Variants in TTBK2 observed in about 807,000 individuals in gnomAD.
TTBK2 encodes the protein tau tubulin kinase 2.
TTBK2 carries 28 observed loss-of-function variants against 110.8 expected under a neutral mutation model. The observed-to-expected ratio is 0.25, with a 90% CI of 0.19 to 0.35. TTBK2 has a LOEUF of 0.35. TTBK2 is among the 10% of genes least tolerant of loss of function. The pLI is 1.00. For synonymous variants in TTBK2, 532 were observed against 527.3 expected, an observed-to-expected ratio of 1.01 and a Z score of -0.12; for missense variants, 1,369 against 1,500.3, an observed-to-expected ratio of 0.91 and a Z score of 1.45.
chr15:42,745,440 T>C lies in TTBK2; in HGVS notation c.*355A>G, dbSNP rs1233010418. Reference sequence around the variant, plus strand: ...TCACTTTTGCTATATAATCTTTGAATTGAGGCTTAAAAAAATTAGGCAACC... The same window carrying C: ...TCACTTTTGCTATATAATCTTTGAACTGAGGCTTAAAAAAATTAGGCAACC... On this transcript the variant is annotated 3_prime_UTR_variant, in exon 15 of 15. Transcript: ENST00000267890. The C allele has an allele frequency of 1.0e-5, 3 of 289,980 alleles. No individual in the cohort carries two copies. Among genetic ancestry groups the C allele is most frequent in the African/African-American group, 6.6e-5 (3 of 45,774 alleles). 18.0% of individuals were successfully genotyped at this position (289,980 alleles called of 1,614,324 possible). A position where few individuals can be genotyped will look rare whatever the true frequency, so the allele number is the denominator to read the frequency against.
chr15:42,791,967 C>A (rs1339171601), intron 10 of TTBK2, among the ~76,000 whole-genome samples: 2 of 152,118 alleles, frequency 1.3e-5, no homozygotes, highest in African/African-American at 4.8e-5. Context: ...CATGGTGAAA[C>A]CCCCTCTCTA....
chr15:42,773,722 AAT>A (rs908945304), intron 13 of TTBK2, among the ~76,000 whole-genome samples: 1 of 152,214 alleles, frequency 6.6e-6, no homozygotes, highest in African/African-American at 2.4e-5. Context: ...TACACAGCAT[AAT>A]AGAGTTAAAG....
At position 42,815,894 on chromosome 15, in the gene TTBK2, AT is replaced by A. The variant is rs1567040225; in HGVS notation, c.603+1137del. On this transcript the variant is annotated intron_variant, in intron 7 of 14. Transcript: ENST00000267890. ...TATTTAAATATATATATATTTAAAA[AT>A]ATATATATATATTTAAAAATATATA... Among the ~76,000 whole-genome samples, 34 of 72,190 alleles carry A rather than the reference AT, an allele frequency of 4.7e-4. 1 individual carries two copies. Among genetic ancestry groups the A allele is most frequent in the African/African-American group, 3.3e-3 (34 of 10,328 alleles). The allele number at this position is 72,190 out of a possible 152,430, so 47.4% of individuals were successfully genotyped here.
In TTBK2 at chr15:42,775,565, G is replaced by C; in HGVS notation, c.1568C>G (p.Thr523Ser). The change falls in exon 13 of 15, where the codon ACC becomes AGC. Residue 523 changes from threonine (T) to serine (S), a missense_variant. Transcript: ENST00000267890. ...GCCACCACCATCTGCCTGCTCAGGG[G>C]TGTTGGCAGAAGCAGGCTTGGAGGC... ...PDASKPASAN[T>S]PEQADGGGSN... The C allele has an allele frequency of 6.2e-7, 1 of 1,614,170 alleles. No homozygotes were observed. Among genetic ancestry groups the C allele is most frequent in the African/African-American group, 1.3e-5 (1 of 75,026 alleles).
chr15:42,816,739 G>A (rs1348721234), intron 7 of TTBK2, among the ~76,000 whole-genome samples: 2 of 151,874 alleles, frequency 1.3e-5, no homozygotes, highest in African/African-American at 2.4e-5. Context: ...CCAACATGGT[G>A]AAACACTTTC....
intron 3 of TTBK2, among the ~76,000 whole-genome samples, chr15:42,848,553 C>T (rs986738995): frequency 4.0e-5 from 6 of 151,054 alleles, no homozygotes; most frequent in Non-Finnish European, 7.4e-5. Flanking sequence ...TACAATGGTG[C>T]GATCTCAGCT....
intron 2 of TTBK2, among the ~76,000 whole-genome samples, chr15:42,873,229 C>T (rs920230893): frequency 1.1e-4 from 16 of 152,098 alleles, no homozygotes; most frequent in African/African-American, 3.4e-4. Flanking sequence ...GTCAGGAGTT[C>T]GAGACCAGCC....
At chr15:42,784,969 CTT>C (rs1192041643) in intron 10 of TTBK2, among the ~76,000 whole-genome samples, 5 of 152,150 alleles carry the variant, frequency 3.3e-5, no homozygotes, top group African/African-American at 1.2e-4. Flanking sequence ...TCCCTGGCCT[CTT>C]GATTGATTTA....
chr15:42,856,402 A>T (rs1214914077), intron 3 of TTBK2, among the ~76,000 whole-genome samples: 8 of 152,238 alleles, frequency 5.3e-5, no homozygotes, highest in Non-Finnish European at 1.0e-4. Flanking sequence ...CAAGGGAAAA[A>T]AAAAAGTAGG....
chr15:42,746,653 T>C (rs1189965425), intron 14 of TTBK2, among the ~76,000 whole-genome samples: 1 of 152,190 alleles, frequency 6.6e-6, no homozygotes, highest in East Asian at 1.9e-4. Flanking sequence ...GAGTAAACCA[T>C]ACTGTGTAAG....
At chr15:42,873,738 T>C (rs1208723261) in intron 2 of TTBK2, among the ~76,000 whole-genome samples, 1 of 152,194 alleles carries the variant, frequency 6.6e-6, no homozygotes, top group Non-Finnish European at 1.5e-5. Context: ...ACCTGTAGTG[T>C]CTGAAAGCTG....
chr15:42,845,294 C>A (rs1341088384), intron 3 of TTBK2, among the ~76,000 whole-genome samples: 2 of 152,084 alleles, frequency 1.3e-5, no homozygotes, highest in Admixed American at 6.6e-5. Flanking sequence ...ATACAGTTGT[C>A]CCTTGGTATC....
intron 6 of TTBK2, among the ~76,000 whole-genome samples, chr15:42,820,858 G>T (rs1241678798): frequency 2.0e-5 from 3 of 151,852 alleles, no homozygotes; most frequent in Admixed American, 6.6e-5. Flanking sequence ...AAGAATTAAA[G>T]AATTAGCTGG....
chr15:42,894,261 C>T (rs1158643964), intron 1 of TTBK2, among the ~76,000 whole-genome samples: 2 of 152,114 alleles, frequency 1.3e-5, no homozygotes, highest in Non-Finnish European at 2.9e-5. Flanking sequence ...TTTTTCTTTA[C>T]AAATTACCCA....
At chr15:42,823,160 T>C (rs1739241802) in intron 6 of TTBK2, among the ~76,000 whole-genome samples, 1 of 152,162 alleles carries the variant, frequency 6.6e-6, no homozygotes, top group Admixed American at 6.5e-5. Context: ...TTCAGGTGAA[T>C]GGTTAGGAAG....
intron 3 of TTBK2, 140 bp from the exon 4 acceptor site, chr15:42,840,573 T>C: frequency 1.2e-6 from 1 of 815,252 alleles, no homozygotes; most frequent in Admixed American, 1.8e-5. Flanking sequence ...ACTTATATTA[T>C]TCAAATTTTC....
At chr15:42,794,516 C>G (rs970458169) in intron 10 of TTBK2, 128 bp downstream of exon 10, 3 of 1,284,946 alleles carry the variant, frequency 2.3e-6, no homozygotes, top group African/African-American at 2.9e-5. Context: ...AATGTTAATT[C>G]GAGGAGATCC....
chr15:42,860,448 A>C (rs1487905669), intron 3 of TTBK2, among the ~76,000 whole-genome samples: 1 of 151,916 alleles, frequency 6.6e-6, no homozygotes, highest in Non-Finnish European at 1.5e-5. Context: ...AGGAACAACA[A>C]CAACAACAAC....
chr15:42,775,505 C>A lies in TTBK2; in HGVS notation c.1628G>T (p.Cys543Phe), dbSNP rs1467380333. The A allele has an allele frequency of 6.2e-7, 1 of 1,614,086 alleles. No individual in the cohort carries two copies. Among genetic ancestry groups the A allele is most frequent in the East Asian group, 2.2e-5 (1 of 44,904 alleles). The change falls in exon 13 of 15, where the codon TGC (cysteine) becomes TTC (phenylalanine). Residue 543 changes from cysteine (C) to phenylalanine (F), a missense_variant. Coordinates refer to ENST00000267890, the MANE Select transcript of TTBK2 (RefSeq NM_173500.4). ...TTCTTTGGAATCAATTTCTTGCTTG[C>A]AAGAGCTCAGGTTAACAGCTATAAA... Reference protein sequence around the residue: ...NGFIAVNLSSCKQEIDSKEWV... With the variant: ...NGFIAVNLSSFKQEIDSKEWV...
Sources: allele counts gnomAD v4.1 joint callset (sites outside exome capture counted in the v4.1 genomes callset), GRCh38; gene constraint gnomAD v4.1.1; transcripts MANE v1.5; gene names NCBI Gene and HGNC (gene_info 2026-07-23, HGNC 2026-07-21).